ST6GAL2: variants seen among roughly 807,000 people sequenced by gnomAD.
ST6GAL2 encodes the protein beta-galactoside alpha-2,6-sialyltransferase 2.
Under a neutral mutation model 37.5 loss-of-function variants are expected in ST6GAL2, and 24 were observed. The ratio of observed to expected loss-of-function variants is 0.64; its 90% CI spans 0.46 to 0.90. ST6GAL2 has a LOEUF of 0.90. ST6GAL2 is among the 40% of genes least tolerant of loss of function. The pLI is 0.00. For synonymous variants in ST6GAL2, 306 were observed against 295.1 expected, an observed-to-expected ratio of 1.04 and a Z score of -0.38; for missense variants, 715 against 712.7, an observed-to-expected ratio of 1.00 and a Z score of -0.04.
At chr2:106,885,458 G>C (rs76390238) in intron 1 of ST6GAL2, among the ~76,000 whole-genome samples, 1,928 of 152,210 alleles carry the variant, frequency 0.013, 24 homozygotes, top group Middle Eastern at 0.041. Flanking sequence ...TTAAATTCCT[G>C]GAAAGCACAG....
At chr2:106,840,285 A>G (rs1032504340) in intron 2 of ST6GAL2, among the ~76,000 whole-genome samples, 3 of 152,214 alleles carry the variant, frequency 2.0e-5, no homozygotes, top group African/African-American at 4.8e-5. Flanking sequence ...CATGCCCCCA[A>G]TATTCTAAGC....
rs114845441 is a variant in ST6GAL2, at chr2:106,820,506, A to G, written c.1318+9560T>C. Among the ~76,000 whole-genome samples, 975 of 152,248 alleles carry G rather than the reference A, an allele frequency of 6.4e-3. 9 individuals are homozygous for G. The highest frequency in any genetic ancestry group is 0.03 in the South Asian group (143 of 4,830). On this transcript the variant is annotated intron_variant, in intron 5 of 5. Coordinates refer to ENST00000409382, the MANE Select transcript of ST6GAL2 (RefSeq NM_001142351.2). Reference sequence around the variant, plus strand: ...AGCAAATATTACTAGAGCTAAAGAGAGAGCTAGACCCCAAAATAATAAAGG... The same window carrying G: ...AGCAAATATTACTAGAGCTAAAGAGGGAGCTAGACCCCAAAATAATAAAGG...
chr2:106,873,013 CA>C (rs1678342990), intron 1 of ST6GAL2, among the ~76,000 whole-genome samples: 1 of 151,934 alleles, frequency 6.6e-6, no homozygotes, highest in African/African-American at 2.4e-5. Flanking sequence ...TGCAAAATTT[CA>C]AAAAACAAAA....
chr2:106,837,900 G>A (rs1049823236), intron 2 of ST6GAL2, among the ~76,000 whole-genome samples: 1 of 152,190 alleles, frequency 6.6e-6, no homozygotes, highest in Admixed American at 6.5e-5. Flanking sequence ...GTATTAGTCT[G>A]CAGAGTTAAA....
intron 1 of ST6GAL2, among the ~76,000 whole-genome samples, chr2:106,872,265 A>G (rs1678301512): frequency 6.6e-6 from 1 of 152,254 alleles, no homozygotes; most frequent in Non-Finnish European, 1.5e-5. Context: ...TAGGTTCCTA[A>G]TAGAAGATCA....
chr2:106,824,449 G>A (rs1341721546), intron 5 of ST6GAL2, among the ~76,000 whole-genome samples: 1 of 152,132 alleles, frequency 6.6e-6, no homozygotes, highest in Non-Finnish European at 1.5e-5. Flanking sequence ...TGGCTAACAT[G>A]GTGAAACCCC....
chr2:106,862,907 AAT>A (rs10547973), intron 1 of ST6GAL2, among the ~76,000 whole-genome samples: 28,496 of 152,102 alleles, frequency 0.19, 3,405 homozygotes, highest in East Asian at 0.58. Flanking sequence ...AATTTGATAA[AAT>A]ATGTTTCTAT....
rs146148701 is a variant in ST6GAL2, at chr2:106,839,430, TTG to T, written c.943+3603_943+3604del. On this transcript the variant is annotated intron_variant, in intron 2 of 5. Coordinates refer to ENST00000409382, the MANE Select transcript of ST6GAL2 (RefSeq NM_001142351.2). ...CCTTCTCCAACCCACAACACTGGAATTGTCTGTTTACCACTGAAGTGTGCCGG... is the reference window on the plus strand; with the variant it reads ...CCTTCTCCAACCCACAACACTGGAATTCTGTTTACCACTGAAGTGTGCCGG... Among the ~76,000 whole-genome samples the T allele has an allele frequency of 6.3e-3, 960 of 152,278 alleles. 9 individuals carry two copies. Among genetic ancestry groups the T allele is most frequent in the African/African-American group, 0.022 (908 of 41,546 alleles).
Position 106,806,352 on chromosome 2 carries a change from A to G in ST6GAL2, c.*326T>C, listed in dbSNP as rs960050297. On this transcript the variant is annotated 3_prime_UTR_variant, in exon 6 of 6. Coordinates refer to ENST00000409382, the MANE Select transcript of ST6GAL2 (RefSeq NM_001142351.2). ...TCACCAAAACCTGTCATTGAAACCA[A>G]CCCTGATGAGGGGTACTCATGGCAG... 4 of 251,730 alleles carry G rather than the reference A, an allele frequency of 1.6e-5. No individual in the cohort carries two copies. Among genetic ancestry groups the G allele is most frequent in the Non-Finnish European group, 2.3e-5 (3 of 130,704 alleles). 15.6% of individuals were successfully genotyped at this position (251,730 alleles called of 1,614,324 possible).
intron 5 of ST6GAL2, among the ~76,000 whole-genome samples, chr2:106,814,580 A>G (rs1271452306): frequency 1.3e-5 from 2 of 151,842 alleles, no homozygotes; most frequent in Non-Finnish European, 1.5e-5. Context: ...TTCCACGTCT[A>G]TGTGTATGTT....
intron 1 of ST6GAL2, among the ~76,000 whole-genome samples, chr2:106,871,176 C>T (rs765030310): frequency 3.7e-4 from 56 of 152,264 alleles, no homozygotes; most frequent in Non-Finnish European, 7.6e-4. Context: ...TGTGTCTAAA[C>T]ATATCTAAAC....
At chr2:106,807,692 G>C (rs1371035566) in intron 5 of ST6GAL2, among the ~76,000 whole-genome samples, 1 of 147,470 alleles carries the variant, frequency 6.8e-6, no homozygotes, top group South Asian at 2.2e-4. Context: ...GCAGTGGCGC[G>C]ATCTCACTGC....
chr2:106,848,239 A>C (rs1387083734), intron 1 of ST6GAL2, among the ~76,000 whole-genome samples: 1 of 152,036 alleles, frequency 6.6e-6, no homozygotes, highest in East Asian at 1.9e-4. Context: ...TCTGGGGACA[A>C]AGTGAGTTCC....
Position 106,844,034 on chromosome 2 carries a change from C to T in ST6GAL2, c.-57G>A. The T allele has an allele frequency of 7.0e-7, 1 of 1,433,286 alleles. No individual in the cohort carries two copies. The highest frequency in any genetic ancestry group is 9.4e-7 in the Non-Finnish European group (1 of 1,066,760). 88.8% of individuals were successfully genotyped at this position (1,433,286 alleles called of 1,614,324 possible). A position where few individuals can be genotyped will look rare whatever the true frequency, so the allele number is the denominator to read the frequency against. Reference sequence around the variant, plus strand: ...TAATGCAGATGGGTGGCAGAATGAACCTGAAAAACAGCCAGATGGCAGTTA... The same window carrying T: ...TAATGCAGATGGGTGGCAGAATGAATCTGAAAAACAGCCAGATGGCAGTTA... On this transcript the variant is annotated splice_region_variant and 5_prime_UTR_variant, in exon 2 of 6. Coordinates refer to ENST00000409382, the MANE Select transcript of ST6GAL2 (RefSeq NM_001142351.2).
chr2:106,821,174 T>C (rs1445516496), intron 5 of ST6GAL2, among the ~76,000 whole-genome samples: 3 of 150,632 alleles, frequency 2.0e-5, no homozygotes, highest in Non-Finnish European at 3.0e-5. Context: ...ATGAAGAAAA[T>C]GATACAAAGG....
At chr2:106,819,363 A>C (rs1675918115) in intron 5 of ST6GAL2, among the ~76,000 whole-genome samples, 1 of 152,024 alleles carries the variant, frequency 6.6e-6, no homozygotes, top group African/African-American at 2.4e-5. Context: ...AAAAAAAAAC[A>C]AATATTAATA....
Position 106,843,788 on chromosome 2 carries a change from C to T in ST6GAL2, c.190G>A (p.Ala64Thr), listed in dbSNP as rs762960856. ...CCAGGCGGGGAGGGCTCATGTGCGGCGCCCATGATGGCCCGCTGCTTCCCC... is the reference window on the plus strand; with the variant it reads ...CCAGGCGGGGAGGGCTCATGTGCGGTGCCCATGATGGCCCGCTGCTTCCCC... Reference protein sequence around the residue: ...VQGKQRAIMGAAHEPSPPGGL... With the variant: ...VQGKQRAIMGTAHEPSPPGGL... Residue 64 changes from alanine to threonine, a missense_variant, in exon 2 of 6, where the codon GCC (alanine) becomes ACC (threonine). Physicochemically the swap from Ala to Thr is moderately conservative, Grantham distance 58 (BLOSUM62 0). This residue lies in a region of ST6GAL2 where 512 missense variants were observed against 488.8 expected (regional missense o/e 1.05). Transcript: ENST00000409382. The T allele has an allele frequency of 1.9e-6, 3 of 1,610,440 alleles. No individual in the cohort carries two copies. Among genetic ancestry groups the T allele is most frequent in the East Asian group, 2.2e-5 (1 of 44,774 alleles).
In ST6GAL2 at chr2:106,872,211, C is replaced by A. The variant is rs73949800; in HGVS notation, c.-58+13882G>T. ...GTTGTATGTGGCACTTGACTGTATA[C>A]TATCTGAAATAACAGCAATGCTGAA... On this transcript the variant is annotated intron_variant, in intron 1 of 5. Coordinates refer to ENST00000409382, the MANE Select transcript of ST6GAL2 (RefSeq NM_001142351.2). 2.6e-3 allele frequency among the ~76,000 whole-genome samples: 392 copies of A among 152,344 alleles called. 2 individuals carry two copies. Among genetic ancestry groups the A allele is most frequent in the African/African-American group, 9.0e-3 (373 of 41,576 alleles).
chr2:106,832,185 T>A (rs546363114), intron 4 of ST6GAL2, among the ~76,000 whole-genome samples: 128 of 152,348 alleles, frequency 8.4e-4, no homozygotes, highest in African/African-American at 2.9e-3. Flanking sequence ...TTTCGTGCCA[T>A]CACCTTCAAT....
Sources: gnomAD v4.1 joint callset for allele counts (sites outside exome capture counted in the v4.1 genomes callset) on GRCh38, gnomAD v4.1.1 for gene constraint, gnomAD v4.1.1 regional missense constraint, MANE v1.5 for transcripts, NCBI Gene and HGNC (gene_info 2026-07-23, HGNC 2026-07-21) for gene names.